The following DENND2C variants were observed in gnomAD, a reference collection of about 807,000 sequenced individuals.
DENND2C encodes DENN domain containing 2C.
DENND2C carries 72 observed loss-of-function variants against 112.4 expected under a neutral mutation model. The ratio of observed to expected loss-of-function variants is 0.64; its 90% CI spans 0.53 to 0.78. The LOEUF is 0.78. Among genes scored for constraint, DENND2C ranks in the 30% least tolerant of loss-of-function variants. DENND2C has a pLI of 0.00. For synonymous variants in DENND2C, 329 were observed against 381.6 expected, an observed-to-expected ratio of 0.86 and a Z score of 1.61; for missense variants, 992 against 1,113.8, an observed-to-expected ratio of 0.89 and a Z score of 1.56.
At chr1:114,623,206 T>C in intron 5 of DENND2C, 107 bp from the exon 6 acceptor site, 1 of 1,050,018 alleles carries the variant, frequency 9.5e-7, no homozygotes, top group Non-Finnish European at 1.3e-6. Flanking sequence ...TTTCTTATTC[T>C]ACATTGCTGT....
chr1:114,585,631 C>T lies in DENND2C; in HGVS notation c.2756G>A (p.Gly919Glu). 1 of 1,613,260 alleles carries T rather than the reference C, an allele frequency of 6.2e-7. No individual in the cohort carries two copies. The highest frequency in any genetic ancestry group is 8.5e-7 in the Non-Finnish European group (1 of 1,179,446). The change falls in exon 21 of 21, where the codon GGA (glycine) becomes GAA (glutamate). Residue 919 changes from glycine (G) to glutamate (E), a missense_variant and splice_region_variant. Gly to Glu is a moderately conservative substitution (Grantham distance 98). Coordinates refer to ENST00000393274, the MANE Select transcript of DENND2C (RefSeq NM_001256404.2). ...SGMNRILRSLGSKMKFLQKK is the reference protein window; with the variant it reads ...SGMNRILRSLESKMKFLQKK The stretch of plus-strand genomic sequence containing the variant: ...CTTTTGCAGAAATTTCATTTTGCTT[C>T]CTAAAGGGAAAGAAAAGTACAGTGA...
chr1:114,589,638 A>G (rs11578037), intron 18 of DENND2C, among the ~76,000 whole-genome samples: 28,687 of 151,800 alleles, frequency 0.19, 3,622 homozygotes, highest in Non-Finnish European at 0.28. Flanking sequence ...GATCATAGGT[A>G]TGAGCCACCA....
At chr1:114,622,215 G>C in intron 6 of DENND2C, 150 bp from the exon 7 acceptor site, 1 of 785,478 alleles carries the variant, frequency 1.3e-6, no homozygotes, top group Non-Finnish European at 1.9e-6. Flanking sequence ...CTGAGCTCAA[G>C]TGATCCCCCC....
chr1:114,600,242 A>G lies in DENND2C; in HGVS notation c.2067T>C (p.Leu689=), dbSNP rs1388000482. 6.2e-7 allele frequency: 1 copy of G among 1,614,004 alleles called. No individual in the cohort carries two copies. The highest frequency in any genetic ancestry group is 8.5e-7 in the Non-Finnish European group (1 of 1,180,010). ...CAACAAAGATTACCCTACGCTCCAA[A>G]AGGAGAGAGGCACAGACCCGGATGA... ...CHLIRVCASL[L]LERRVIFVAN... is the part of the protein sequence containing the mutation. The change falls in exon 15 of 21, where the codon CTT becomes CTC. Residue 689 remains leucine, a synonymous_variant. Transcript: ENST00000393274.
chr1:114,585,426 T>C lies in DENND2C; in HGVS notation c.*174A>G, dbSNP rs1655014013. 1.5e-6 allele frequency: 1 copy of C among 648,386 alleles called. No homozygotes were observed. Among genetic ancestry groups the C allele is most frequent in the Non-Finnish European group, 2.7e-6 (1 of 374,088 alleles). 40.2% of individuals were successfully genotyped at this position (648,386 alleles called of 1,614,324 possible). ...GGTGCCAGACCATTCCCAACAATTC[T>C]CCAGTGATTACTACAGCAGCAACAG... is the stretch of plus-strand genomic sequence containing the variant. On this transcript the variant is annotated 3_prime_UTR_variant, in exon 21 of 21. Transcript: ENST00000393274.
intron 11 of DENND2C, among the ~76,000 whole-genome samples, chr1:114,603,369 C>T (rs1655571044): frequency 6.6e-6 from 1 of 151,926 alleles, no homozygotes; most frequent in South Asian, 2.1e-4. Flanking sequence ...GAACTCCTGA[C>T]CTCAGGTGAT....
At chr1:114,637,845 T>C (rs914640397) in intron 3 of DENND2C, among the ~76,000 whole-genome samples, 4 of 152,048 alleles carry the variant, frequency 2.6e-5, no homozygotes, top group Admixed American at 6.5e-5. Flanking sequence ...CTATAAAAAA[T>C]TATCTCAAAA....
chr1:114,601,067 T>C, intron 13 of DENND2C, 107 bp from the exon 14 acceptor site: 1 of 1,248,676 alleles, frequency 8.0e-7, no homozygotes, highest in African/African-American at 1.5e-5. Flanking sequence ...ATAACCCAAA[T>C]AAAATTTAAG....
At chr1:114,609,774 T>C (rs982250763) in intron 9 of DENND2C, among the ~76,000 whole-genome samples, 5 of 152,236 alleles carry the variant, frequency 3.3e-5, no homozygotes, top group Non-Finnish European at 7.3e-5. Context: ...AAAGAAGTTA[T>C]ACTATAGATC....
At chr1:114,646,913 A>G (rs1367749671) in intron 2 of DENND2C, among the ~76,000 whole-genome samples, 1 of 152,076 alleles carries the variant, frequency 6.6e-6, no homozygotes, top group Non-Finnish European at 1.5e-5. Flanking sequence ...TAATCCCAGC[A>G]CTTTGGGAGG....
intron 1 of DENND2C, among the ~76,000 whole-genome samples, chr1:114,665,857 C>T (rs189603261): frequency 3.3e-5 from 5 of 152,180 alleles, no homozygotes; most frequent in Admixed American, 3.3e-4. Flanking sequence ...CTACATACTC[C>T]CTTGAGCAAT....
intron 3 of DENND2C, among the ~76,000 whole-genome samples, chr1:114,642,623 C>T (rs1209039254): frequency 6.6e-6 from 1 of 152,132 alleles, no homozygotes. Flanking sequence ...TATTAACTCA[C>T]CTAATTCTTG....
chr1:114,587,619 A>C (rs1015992641), intron 19 of DENND2C, 97 bp downstream of exon 19: 2 of 1,420,558 alleles, frequency 1.4e-6, no homozygotes, highest in African/African-American at 2.9e-5. Context: ...TCAGATTTTA[A>C]GCCCTTGTCG....
intron 1 of DENND2C, among the ~76,000 whole-genome samples, chr1:114,668,018 T>C (rs1187176501): frequency 6.6e-6 from 1 of 152,224 alleles, no homozygotes; most frequent in Non-Finnish European, 1.5e-5. Context: ...AAAACAGCTT[T>C]TGTTTTTTCA....
chr1:114,594,411 A>T, intron 18 of DENND2C, 62 bp downstream of exon 18: 1 of 1,333,528 alleles, frequency 7.5e-7, no homozygotes, highest in Non-Finnish European at 1.1e-6. Context: ...AGTGCTGGGC[A>T]TTCAGTAAAT....
intron 2 of DENND2C, among the ~76,000 whole-genome samples, chr1:114,651,373 G>C (rs1364028698): frequency 6.6e-6 from 1 of 151,540 alleles, no homozygotes; most frequent in Non-Finnish European, 1.5e-5. Flanking sequence ...GATCACTTGA[G>C]CCCAGGAGCT....
chr1:114,665,695 C>T (rs1657628581), intron 1 of DENND2C, among the ~76,000 whole-genome samples: 1 of 152,166 alleles, frequency 6.6e-6, no homozygotes, highest in South Asian at 2.1e-4. Context: ...AAGAACAGGA[C>T]TCATTTGGAT....
chr1:114,590,735 C>T (rs1362659778), intron 18 of DENND2C, among the ~76,000 whole-genome samples: 2 of 146,306 alleles, frequency 1.4e-5, no homozygotes, highest in Non-Finnish European at 3.0e-5. Context: ...GCCAAGATTG[C>T]GCCACTGCAC....
intron 1 of DENND2C, among the ~76,000 whole-genome samples, chr1:114,663,000 G>A (rs75961634): frequency 0.028 from 4,269 of 151,394 alleles, 217 homozygotes; most frequent in African/African-American, 0.098. Flanking sequence ...AGGAAAGGGA[G>A]GAAGGAAAAA....
Sources: gnomAD v4.1 joint callset for allele counts (sites outside exome capture counted in the v4.1 genomes callset) on GRCh38, gnomAD v4.1.1 for gene constraint, MANE v1.5 for transcripts, NCBI Gene and HGNC (gene_info 2026-07-23, HGNC 2026-07-21) for gene names.